CCDC63: variants seen among roughly 807,000 people sequenced by gnomAD.
CCDC63 encodes the protein coiled-coil domain containing 63, also known as coiled-coil domain-containing protein 63.
In CCDC63, 54 loss-of-function variants were observed where a neutral mutation model predicts 63.6. The observed-to-expected ratio is 0.85, with a 90% CI of 0.68 to 1.07. CCDC63 has a LOEUF of 1.07. Among genes scored for constraint, CCDC63 ranks in the 50% least tolerant of loss-of-function variants. The probability of loss-of-function intolerance (pLI) is 0.00; values close to 1 mark genes in which losing one functional copy is unlikely to be tolerated. For synonymous variants in CCDC63, 253 were observed against 266.1 expected (o/e 0.95, Z 0.48); for missense variants, 637 against 689.6 (o/e 0.92, Z 0.86).
At chr12:110,876,105 CA>C (rs35045738) in intron 5 of CCDC63, among the ~76,000 whole-genome samples, 25,738 of 86,618 alleles carry the variant, frequency 0.3, 2,216 homozygotes, top group Middle Eastern at 0.38. Flanking sequence ...GAACCTGTCT[CA>C]AAAAAAAAAA....
upstream of CCDC63, among the ~76,000 whole-genome samples, chr12:110,845,175 C>T (rs988960707): frequency 6.6e-6 from 1 of 152,194 alleles, no homozygotes; most frequent in African/African-American, 2.4e-5. Flanking sequence ...AGAGTAAATT[C>T]GTCGGAGGAA....
In CCDC63 at chr12:110,889,582, C is replaced by G. The variant is rs2071331266; in HGVS notation, c.1075-3494C>G. ...CAAGCAGGCCAGGGTGTCTGGCGCA[C>G]AGAGAGAGACATGGGAGGGAGAGGG... On this transcript the variant is annotated intron_variant, in intron 8 of 11. Coordinates refer to ENST00000308208, the MANE Select transcript of CCDC63 (RefSeq NM_152591.3). This position sits in a 1 kb window ranked among gnomAD's most constrained non-coding sequence, Gnocchi z 4.1. Among the ~76,000 whole-genome samples the G allele has an allele frequency of 6.6e-6, 1 of 152,006 alleles. No homozygotes were observed. The highest frequency in any genetic ancestry group is 1.5e-5 in the Non-Finnish European group (1 of 68,008).
intron 1 of CCDC63, among the ~76,000 whole-genome samples, chr12:110,851,264 GA>G (rs2070701812): frequency 2.7e-5 from 4 of 147,794 alleles, no homozygotes; most frequent in African/African-American, 1.0e-4. Context: ...TGCTTGCTTG[GA>G]TGATGTTCTC....
rs770566429 is a variant in CCDC63, at chr12:110,893,143, A to G, written c.1142A>G (p.Gln381Arg). The change falls in exon 9 of 12, where the codon CAG (glutamine) becomes CGG (arginine). Residue 381 changes from glutamine (Q) to arginine (R), a missense_variant. Physicochemically the swap from Gln to Arg is conservative, Grantham distance 43. Coordinates refer to ENST00000308208, the MANE Select transcript of CCDC63 (RefSeq NM_152591.3). ...GATGACAACCACTCTGTCCTGAGAC[A>G]GCTGGAGGTGAGAACAGGATCGGGA... ...SHDDNHSVLR[Q>R]LEDKLRKTTE... 2.5e-6 allele frequency: 4 copies of G among 1,613,652 alleles called. No individual in the cohort carries two copies. In the African/African-American group the frequency reaches 5.3e-5, roughly 22 times the overall value.
At chr12:110,883,967 G>A (rs1344135019) in intron 7 of CCDC63, 63 bp from the exon 8 acceptor site, 4 of 1,270,666 alleles carry the variant, frequency 3.1e-6, no homozygotes, top group East Asian at 2.3e-5. Context: ...GTTACTGTCT[G>A]CCTGGCACGG....
In CCDC63 at chr12:110,852,968, G is replaced by A; in HGVS notation, c.9+5G>A. 1 of 1,614,112 alleles carries A rather than the reference G, an allele frequency of 6.2e-7. No homozygotes were observed. Among genetic ancestry groups the A allele is most frequent in the Non-Finnish European group, 8.5e-7 (1 of 1,179,986 alleles). On this transcript the variant is annotated splice_donor_5th_base_variant and intron_variant, in intron 2 of 11. Transcript: ENST00000308208. The stretch of plus-strand genomic sequence containing the variant: ...GGTTCCTTCAAGATGTCTGTGGTAG[G>A]TGATGCCAGCTCCCAGCCACAGAGC...
At chr12:110,864,351 G>A (rs1056434089) in intron 4 of CCDC63, among the ~76,000 whole-genome samples, 2 of 152,054 alleles carry the variant, frequency 1.3e-5, no homozygotes, top group Admixed American at 1.3e-4. Flanking sequence ...AGTTACTGGG[G>A]AGGCTGAAGC....
Position 110,898,803 on chromosome 12 carries a change from AT to A in CCDC63, c.1150-127del. The A allele has an allele frequency of 7.4e-6, 4 of 541,220 alleles. No homozygotes were observed. In the East Asian group the frequency reaches 1.2e-4, roughly 17 times the overall value. The allele number at this position is 541,220 out of a possible 1,614,324, so 33.5% of individuals were successfully genotyped here. ...TTTCTTTAAAATTTGATGGGAACCCATTTAATTGATCTCGTGTCCCCTCAGA... is the reference window on the plus strand; with the variant it reads ...TTTCTTTAAAATTTGATGGGAACCCATTAATTGATCTCGTGTCCCCTCAGA... On this transcript the variant is annotated intron_variant, in intron 9 of 11. Transcript: ENST00000308208.
chr12:110,884,251 G>A lies in CCDC63; in HGVS notation c.1074+1G>A. ...GCACAAGAGGACCCAACGAATCCAG[G>A]TCAGGGCGGCTCTGCTTTCCCAGGC... is the stretch of plus-strand genomic sequence containing the variant. On this transcript the variant is annotated splice_donor_variant, in intron 8 of 11. Transcript: ENST00000308208. LOFTEE classifies it high-confidence loss of function. 2 of 1,613,588 alleles carry A rather than the reference G, an allele frequency of 1.2e-6. No homozygotes were observed. Among genetic ancestry groups the A allele is most frequent in the Non-Finnish European group, 1.7e-6 (2 of 1,179,606 alleles).
At chr12:110,868,515 C>T (rs2071009425) in intron 4 of CCDC63, among the ~76,000 whole-genome samples, 1 of 150,420 alleles carries the variant, frequency 6.6e-6, no homozygotes, top group South Asian at 2.1e-4. Context: ...GGATCACTCG[C>T]GGTTAGGGGC....
chr12:110,844,506 A>G (rs529725353), upstream of CCDC63, among the ~76,000 whole-genome samples: 86 of 152,306 alleles, frequency 5.6e-4, no homozygotes, highest in African/African-American at 1.7e-3. Flanking sequence ...GTTTGCATCC[A>G]TAAGGGTAGA....
intron 7 of CCDC63, 35 bp downstream of exon 7, chr12:110,881,331 C>G (rs781660639): frequency 6.3e-7 from 1 of 1,588,234 alleles, no homozygotes; most frequent in South Asian, 1.1e-5. Context: ...TGCTCTCTCA[C>G]TCTCTTTCTT....
Position 110,881,446 on chromosome 12 carries a change from A to C in CCDC63, c.853+150A>C, listed in dbSNP as rs535312892. 51 of 802,160 alleles carry C rather than the reference A, an allele frequency of 6.4e-5. No homozygotes were observed. In the Middle Eastern group the frequency reaches 1.1e-3, roughly 17 times the overall value. The allele number at this position is 802,160 out of a possible 1,614,324, so 49.7% of individuals were successfully genotyped here. A position where few individuals can be genotyped will look rare whatever the true frequency, so the allele number is the denominator to read the frequency against. ...ATAAGATGCCTAGTTAAGGTTGTGC[A>C]TGGTGGCTCACGCCTGTAATCCCAG... On this transcript the variant is annotated intron_variant, in intron 7 of 11. Coordinates refer to ENST00000308208, the MANE Select transcript of CCDC63 (RefSeq NM_152591.3).
At chr12:110,896,347 T>A (rs2071415502) in intron 9 of CCDC63, among the ~76,000 whole-genome samples, 1 of 151,940 alleles carries the variant, frequency 6.6e-6, no homozygotes. Context: ...ATATGGGAAA[T>A]TTGCAGCCCT....
intron 4 of CCDC63, 73 bp downstream of exon 4, chr12:110,858,848 G>A: frequency 7.4e-7 from 1 of 1,345,566 alleles, no homozygotes; most frequent in Non-Finnish European, 1.0e-6. Context: ...TATTCGTGAT[G>A]CCTTAGGCCA....
chr12:110,851,286 A>G (rs1312822376), intron 1 of CCDC63, among the ~76,000 whole-genome samples: 1 of 152,108 alleles, frequency 6.6e-6, no homozygotes, highest in African/African-American at 2.4e-5. Context: ...AAGCCTCAAG[A>G]TTCAGTCTGT....
intron 8 of CCDC63, among the ~76,000 whole-genome samples, chr12:110,884,639 G>T (rs1212294734): frequency 6.6e-6 from 1 of 152,048 alleles, no homozygotes; most frequent in Non-Finnish European, 1.5e-5. Flanking sequence ...GACTCCCAAA[G>T]TACTGAGATT....
chr12:110,877,775 G>A (rs968854638), intron 5 of CCDC63, among the ~76,000 whole-genome samples: 3 of 148,490 alleles, frequency 2.0e-5, no homozygotes, highest in East Asian at 2.0e-4. Flanking sequence ...GCGTAATCTC[G>A]GCTCACTTCA....
chr12:110,899,909 C>T (rs12821678), intron 10 of CCDC63, among the ~76,000 whole-genome samples: 1 of 151,858 alleles, frequency 6.6e-6, no homozygotes, highest in Non-Finnish European at 1.5e-5. Flanking sequence ...TAAAAGACAT[C>T]TACAAAAAAC....
Sources: gnomAD v4.1 joint callset for allele counts (sites outside exome capture counted in the v4.1 genomes callset) on GRCh38, gnomAD v4.1.1 for gene constraint, Gnocchi (gnomAD v3.1) non-coding constraint, MANE v1.5 for transcripts, NCBI Gene and HGNC (gene_info 2026-07-23, HGNC 2026-07-21) for gene names.